The following FSHR variants were observed in gnomAD, a reference collection of about 807,000 sequenced individuals.
FSHR encodes follicle-stimulating hormone receptor.
In FSHR, 46 loss-of-function variants were observed where a neutral mutation model predicts 52.1. The ratio of observed to expected loss-of-function variants is 0.88; its 90% CI spans 0.70 to 1.13. The LOEUF (loss-of-function observed/expected upper bound fraction) is 1.13, where lower values mean the gene tolerates loss of function less well. Among genes scored for constraint, FSHR ranks in the 50% most tolerant of loss-of-function variants. The probability of loss-of-function intolerance (pLI) is 0.00; values close to 1 mark genes in which losing one functional copy is unlikely to be tolerated. For missense variants in FSHR, 964 were observed against 834.6 expected (o/e 1.16, Z -1.91); for synonymous variants, 399 against 309.6 (o/e 1.29, Z -3.03).
At chr2:48,968,600 C>G in intron 9 of FSHR, 98 bp downstream of exon 9, 2 of 1,420,330 alleles carry the variant, frequency 1.4e-6, no homozygotes, top group Non-Finnish European at 2.0e-6. Flanking sequence ...AGGGAACTCT[C>G]TGCAAGTAGA....
At chr2:48,982,406 AT>A (rs1675292620) in intron 8 of FSHR, among the ~76,000 whole-genome samples, 1 of 152,220 alleles carries the variant, frequency 6.6e-6, no homozygotes, top group African/African-American at 2.4e-5. Flanking sequence ...TATAGGTCTC[AT>A]TGGGTTGAAG....
intron 4 of FSHR, among the ~76,000 whole-genome samples, chr2:49,015,778 G>A (rs1309089356): frequency 6.6e-6 from 1 of 152,142 alleles, no homozygotes; most frequent in African/African-American, 2.4e-5. Flanking sequence ...GACTGGCTAC[G>A]TAATTTGTGG....
intron 2 of FSHR, among the ~76,000 whole-genome samples, chr2:49,057,870 T>C (rs1423068109): frequency 1.3e-5 from 2 of 152,184 alleles, no homozygotes; most frequent in South Asian, 2.1e-4. Context: ...TTTTAACATA[T>C]GCAAATTAGT....
chr2:49,147,346 A>G (rs1672906027), intron 1 of FSHR, among the ~76,000 whole-genome samples: 1 of 152,078 alleles, frequency 6.6e-6, no homozygotes, highest in Admixed American at 6.6e-5. Context: ...GCCTAAAGAA[A>G]AAGTATAGTC....
intron 1 of FSHR, among the ~76,000 whole-genome samples, chr2:49,135,298 A>C (rs1672450219): frequency 6.6e-6 from 1 of 152,170 alleles, no homozygotes; most frequent in Non-Finnish European, 1.5e-5. Context: ...TGGAATGAAA[A>C]ATAAATATTA....
chr2:48,977,468 A>C (rs1675042782), intron 8 of FSHR, among the ~76,000 whole-genome samples: 1 of 152,180 alleles, frequency 6.6e-6, no homozygotes, highest in Non-Finnish European at 1.5e-5. Flanking sequence ...TGGAAGGGGA[A>C]AGGACTGAGG....
At chr2:49,063,853 A>G (rs973360203) in intron 2 of FSHR, among the ~76,000 whole-genome samples, 4 of 152,158 alleles carry the variant, frequency 2.6e-5, no homozygotes, top group African/African-American at 7.2e-5. Context: ...AGAAATGATA[A>G]ATATATGAGG....
chr2:48,962,213 ATTACAAAGGCT>A lies in FSHR; in HGVS notation c.*509_*519del, dbSNP rs1426398446. On this transcript the variant is annotated 3_prime_UTR_variant, in exon 10 of 10. Coordinates refer to ENST00000406846, the MANE Select transcript of FSHR (RefSeq NM_000145.4). ...TATTTCAGCCTATCCACACTGACGC[ATTACAAAGGCT>A]TCAGATGGGTGTTCAATTAATATTT... is the stretch of plus-strand genomic sequence containing the variant. 1 of 189,266 alleles carries A rather than the reference ATTACAAAGGCT, an allele frequency of 5.3e-6. No individual in the cohort carries two copies. The highest frequency in any genetic ancestry group is 1.1e-5 in the Non-Finnish European group (1 of 90,640). The allele number at this position is 189,266 out of a possible 1,614,324, so 11.7% of individuals were successfully genotyped here.
chr2:49,013,513 T>TAAATAA (rs36099655), intron 4 of FSHR, among the ~76,000 whole-genome samples: 1 of 136,588 alleles, frequency 7.3e-6, no homozygotes, highest in Non-Finnish European at 1.5e-5. Flanking sequence ...TATATATATA[T>TAAATAA]ATAAATATAT....
intron 4 of FSHR, among the ~76,000 whole-genome samples, chr2:49,007,682 G>T (rs1036060111): frequency 2.0e-5 from 3 of 152,042 alleles, no homozygotes; most frequent in Non-Finnish European, 4.4e-5. Flanking sequence ...TAAAGAAGCA[G>T]TTACAGAGGC....
chr2:48,974,873 A>C (rs1015975823), intron 8 of FSHR, among the ~76,000 whole-genome samples: 1 of 152,170 alleles, frequency 6.6e-6, no homozygotes, highest in South Asian at 2.1e-4. Context: ...ACTCATACAC[A>C]CACAGGTCTA....
At chr2:49,151,169 A>G (rs909410464) in intron 1 of FSHR, among the ~76,000 whole-genome samples, 2 of 148,718 alleles carry the variant, frequency 1.3e-5, no homozygotes, top group African/African-American at 5.0e-5. Context: ...TCAGAATAAG[A>G]AAGGTATAGA....
At chr2:49,084,546 GA>G (rs1670302479) in intron 1 of FSHR, among the ~76,000 whole-genome samples, 1 of 152,138 alleles carries the variant, frequency 6.6e-6, no homozygotes, top group Non-Finnish European at 1.5e-5. Flanking sequence ...AAAAATTAAT[GA>G]ATCCAGGAGC....
In FSHR at chr2:48,963,127, G is replaced by A; in HGVS notation, c.1694C>T (p.Ser565Phe). ...TVRNPNIVSS[S>F]SDTRIAKRMA... ...GCGCTTGGCGATCCTGGTGTCACTA[G>A]AGGAGGACACGATGTTGGGGTTCCG... The change falls in exon 10 of 10, where the codon TCT becomes TTT. Residue 565 changes from serine (S) to phenylalanine (F), a missense_variant. Physicochemically the swap from Ser to Phe is radical, Grantham distance 155 (BLOSUM62 -2). Transcript: ENST00000406846. 6.2e-7 allele frequency: 1 copy of A among 1,614,150 alleles called. No individual in the cohort carries two copies. Among genetic ancestry groups the A allele is most frequent in the Non-Finnish European group, 8.5e-7 (1 of 1,180,018 alleles).
chr2:49,151,412 G>T (rs1173277998), intron 1 of FSHR, among the ~76,000 whole-genome samples: 2 of 152,070 alleles, frequency 1.3e-5, no homozygotes, highest in African/African-American at 2.4e-5. Flanking sequence ...AATAGTAGGA[G>T]CCCCTTAGTA....
At chr2:49,081,090 T>C (rs1417838003) in intron 1 of FSHR, among the ~76,000 whole-genome samples, 7 of 152,202 alleles carry the variant, frequency 4.6e-5, no homozygotes, top group Admixed American at 3.9e-4. Context: ...ACTGTTTCTT[T>C]GTGTTCCTCC....
chr2:49,043,705 T>C (rs1432390849), intron 2 of FSHR, among the ~76,000 whole-genome samples: 2 of 152,222 alleles, frequency 1.3e-5, no homozygotes, highest in Admixed American at 1.3e-4. Context: ...TCTCAGTGCA[T>C]GAAGCAGCTT....
chr2:49,140,371 C>A (rs1486969504), intron 1 of FSHR, among the ~76,000 whole-genome samples: 1 of 152,078 alleles, frequency 6.6e-6, no homozygotes, highest in Admixed American at 6.6e-5. Flanking sequence ...CAAGCTCCCA[C>A]TTTGTTTTCT....
chr2:49,074,967 T>C (rs1273556048), intron 1 of FSHR, among the ~76,000 whole-genome samples: 1 of 152,016 alleles, frequency 6.6e-6, no homozygotes, highest in Non-Finnish European at 1.5e-5. Context: ...TTATCACTAA[T>C]ATATGGAAGC....
Sources: allele counts gnomAD v4.1 joint callset (sites outside exome capture counted in the v4.1 genomes callset), GRCh38; gene constraint gnomAD v4.1.1; transcripts MANE v1.5; gene names NCBI Gene and HGNC (gene_info 2026-07-23, HGNC 2026-07-21).